Variants in TENM1 observed in about 807,000 individuals in gnomAD.
The protein encoded by TENM1 is teneurin transmembrane protein 1, also known as teneurin-1.
A neutral mutation model predicts 174.8 loss-of-function variants in TENM1; 35 were observed. That is an observed-to-expected ratio of 0.20 (90% confidence interval 0.15 to 0.27). TENM1 has a LOEUF of 0.27. Ranked by LOEUF, TENM1 falls within the 10% of genes least tolerant of loss-of-function variation. The pLI, the probability that TENM1 is intolerant of heterozygous loss-of-function variation, is 1.00. For missense variants in TENM1, 1,633 were observed against 2,130.1 expected (o/e 0.77, Z 4.59); for synonymous variants, 781 against 798.7 (o/e 0.98, Z 0.37).
intron 28 of TENM1, among the ~76,000 whole-genome samples, chrX:124,388,944 A>G (rs1055314666): frequency 2.5e-4 from 28 of 112,565 alleles, no homozygotes; most frequent in African/African-American, 9.0e-4. Flanking sequence ...GTTCATAAGA[A>G]TTATTTTAGG....
the TENM1 span, among the ~76,000 whole-genome samples, chrX:125,030,214 T>C: frequency 8.9e-6 from 1 of 112,076 alleles, no homozygotes; most frequent in Non-Finnish European, 1.9e-5. Flanking sequence ...GGCTAGACAT[T>C]CTCAAACTTA....
At chrX:124,744,266 A>T (rs1997712) in intron 3 of TENM1, among the ~76,000 whole-genome samples, 17,873 of 111,154 alleles carry the variant, frequency 0.16, 1,910 homozygotes, top group African/African-American at 0.39. Context: ...GATGGATATA[A>T]CTCTGCTAAT....
At chrX:124,813,954 A>T (rs1389292561) in intron 3 of TENM1, among the ~76,000 whole-genome samples, 2 of 112,110 alleles carry the variant, frequency 1.8e-5, no homozygotes, top group Non-Finnish European at 3.8e-5. Flanking sequence ...TCTTAATGAA[A>T]GCTGCATTGC....
the TENM1 span, among the ~76,000 whole-genome samples, chrX:125,104,325 T>A: frequency 8.9e-6 from 1 of 112,320 alleles, no homozygotes; most frequent in Non-Finnish European, 1.9e-5. Context: ...GTAGGAGGTC[T>A]GTAAATATGA....
At chrX:124,794,310 A>T (rs1017047233) in intron 3 of TENM1, among the ~76,000 whole-genome samples, 11 of 111,654 alleles carry the variant, frequency 9.9e-5, no homozygotes, top group Non-Finnish European at 3.8e-5. Context: ...AACAGTTTGG[A>T]TATCTCATAG....
chrX:124,503,282 C>T (rs1371898397), intron 19 of TENM1, among the ~76,000 whole-genome samples: 1 of 110,975 alleles, frequency 9.0e-6, no homozygotes, highest in Non-Finnish European at 1.9e-5. Flanking sequence ...TCAGGGGCCA[C>T]CTCTGCCCCC....
chrX:125,060,430 C>T, the TENM1 span, among the ~76,000 whole-genome samples: 3 of 110,224 alleles, frequency 2.7e-5, no homozygotes, highest in South Asian at 1.2e-3. Flanking sequence ...TAATTTGTCG[C>T]AAAAGTTTTG....
chrX:124,555,996 A>C (rs1451039079), intron 14 of TENM1, among the ~76,000 whole-genome samples: 1 of 112,332 alleles, frequency 8.9e-6, no homozygotes. Flanking sequence ...AGCAGACAAA[A>C]GCAGAGCTTT....
the TENM1 span, among the ~76,000 whole-genome samples, chrX:125,064,482 T>TG: frequency 1.8e-5 from 2 of 111,404 alleles, no homozygotes; most frequent in Admixed American, 9.5e-5. Flanking sequence ...ATGGGGACAA[T>TG]GCCCTCCCCA....
chrX:124,460,799 C>G (rs1210886226), intron 22 of TENM1, among the ~76,000 whole-genome samples: 8 of 109,966 alleles, frequency 7.3e-5, no homozygotes, highest in African/African-American at 2.6e-4. Context: ...AATGCCCATT[C>G]TCTTAACCAC....
chrX:125,187,710 C>T, the TENM1 span, among the ~76,000 whole-genome samples: 14 of 111,217 alleles, frequency 1.3e-4, no homozygotes, highest in African/African-American at 3.9e-4. Flanking sequence ...TTTCTTTCAA[C>T]TCTGTTTCTC....
intron 3 of TENM1, among the ~76,000 whole-genome samples, chrX:124,889,190 A>T (rs2057436000): frequency 9.0e-6 from 1 of 111,217 alleles, no homozygotes; most frequent in South Asian, 3.9e-4. Flanking sequence ...ACAGCCCTGC[A>T]TTGGGAATTG....
intron 7 of TENM1, among the ~76,000 whole-genome samples, chrX:124,652,837 A>G (rs180982277): frequency 3.6e-5 from 4 of 112,131 alleles, no homozygotes; most frequent in African/African-American, 1.3e-4. Context: ...TTTGAATCAC[A>G]TTTGAATGCA....
chrX:125,067,158 A>G, the TENM1 span, among the ~76,000 whole-genome samples: 1 of 111,107 alleles, frequency 9.0e-6, no homozygotes, highest in Non-Finnish European at 1.9e-5. Flanking sequence ...TTCTCACCAT[A>G]AGAGAACCTT....
At chrX:124,426,417 A>T (rs747226970) in intron 23 of TENM1, among the ~76,000 whole-genome samples, 135 of 112,233 alleles carry the variant, frequency 1.2e-3, no homozygotes, top group Middle Eastern at 4.6e-3. Flanking sequence ...CTGTCATTGC[A>T]TTCTGCGGCC....
chrX:125,103,204 A>T, the TENM1 span, among the ~76,000 whole-genome samples: 2 of 111,638 alleles, frequency 1.8e-5, no homozygotes, highest in African/African-American at 6.5e-5. Context: ...AATCATGAAA[A>T]TTTCCCTTTT....
intron 3 of TENM1, among the ~76,000 whole-genome samples, chrX:124,833,993 C>T (rs141662644): frequency 4.5e-5 from 5 of 110,485 alleles, no homozygotes; most frequent in African/African-American, 1.7e-4. Flanking sequence ...AATCTGAGCT[C>T]TGTGAGGTCT....
At chrX:125,134,197 T>TA in the TENM1 span, among the ~76,000 whole-genome samples, 2 of 112,115 alleles carry the variant, frequency 1.8e-5, no homozygotes, top group Non-Finnish European at 3.8e-5. Context: ...CAGTATATGT[T>TA]ATAATACACA....
the TENM1 span, among the ~76,000 whole-genome samples, chrX:125,054,777 G>C: frequency 2.7e-5 from 3 of 111,397 alleles, no homozygotes; most frequent in Non-Finnish European, 5.7e-5. Context: ...AGAATAGAAC[G>C]GAGACATGTG....
Sources: gnomAD v4.1 joint callset for allele counts (sites outside exome capture counted in the v4.1 genomes callset) on GRCh38, gnomAD v4.1.1 for gene constraint, MANE v1.5 for transcripts, NCBI Gene and HGNC (gene_info 2026-07-23, HGNC 2026-07-21) for gene names.